Variants in CSMD1 observed in about 807,000 individuals in gnomAD.
CSMD1 encodes CUB and sushi domain-containing protein 1.
CSMD1 carries 213 observed loss-of-function variants against 417.5 expected under a neutral mutation model. That is an observed-to-expected ratio of 0.51 (90% confidence interval 0.46 to 0.57). The LOEUF (loss-of-function observed/expected upper bound fraction) is 0.57, where lower values mean the gene tolerates loss of function less well. CSMD1 is among the 20% of genes least tolerant of loss of function. The pLI, the probability that CSMD1 is intolerant of heterozygous loss-of-function variation, is 0.00. For missense variants in CSMD1, 6,923 were observed against 4,529.7 expected, an observed-to-expected ratio of 1.53 and a Z score of -15.17; for synonymous variants, 2,862 against 1,736.8, an observed-to-expected ratio of 1.65 and a Z score of -16.11.
intron 1 of CSMD1, among the ~76,000 whole-genome samples, chr8:4,899,146 T>C (rs1482108791): frequency 1.3e-5 from 2 of 152,230 alleles, no homozygotes; most frequent in East Asian, 1.9e-4. Flanking sequence ...ATAGGCAAAT[T>C]GAGCTAAAAC....
At chr8:4,923,623 T>C (rs1391385841) in intron 1 of CSMD1, among the ~76,000 whole-genome samples, 1 of 152,116 alleles carries the variant, frequency 6.6e-6, no homozygotes, top group Non-Finnish European at 1.5e-5. Context: ...CACACTACAC[T>C]TGTATTCTAC....
chr8:4,990,651 A>G (rs1487320675), intron 1 of CSMD1, among the ~76,000 whole-genome samples: 1 of 152,162 alleles, frequency 6.6e-6, no homozygotes, highest in African/African-American at 2.4e-5. Context: ...GAGCCACAGC[A>G]TCCGGCCCAC....
At chr8:3,468,665 T>C in intron 12 of CSMD1, 47 bp downstream of exon 12, 3 of 1,238,196 alleles carry the variant, frequency 2.4e-6, no homozygotes, top group Non-Finnish European at 3.5e-6. Flanking sequence ...CTCTGCCCTC[T>C]CTTGGAATGC....
At chr8:4,363,538 C>T (rs1166815572) in intron 3 of CSMD1, among the ~76,000 whole-genome samples, 2 of 152,182 alleles carry the variant, frequency 1.3e-5, no homozygotes, top group South Asian at 2.1e-4. Context: ...AGAGCAATAA[C>T]TCCCTCCCTA....
chr8:3,107,456 A>G (rs1202237934), intron 45 of CSMD1, among the ~76,000 whole-genome samples: 1 of 152,206 alleles, frequency 6.6e-6, no homozygotes, highest in East Asian at 1.9e-4. Flanking sequence ...TTGTAGAGGA[A>G]AAAAATGTTC....
At chr8:4,718,062 C>G (rs114852782) in intron 1 of CSMD1, among the ~76,000 whole-genome samples, 1 of 152,190 alleles carries the variant, frequency 6.6e-6, no homozygotes, top group Non-Finnish European at 1.5e-5. Context: ...CCTGCAGCCT[C>G]TACCTCCCTG....
chr8:4,756,823 G>A (rs1676953), intron 1 of CSMD1, among the ~76,000 whole-genome samples: 1 of 151,758 alleles, frequency 6.6e-6, no homozygotes, highest in Admixed American at 6.6e-5. Context: ...TAGAAGAGCT[G>A]GGCCCAGGTA....
rs143345968 is a variant in CSMD1, at chr8:4,300,049, G to T, written c.415+119904C>A. Among the ~76,000 whole-genome samples, 800 of 152,334 alleles carry T rather than the reference G, an allele frequency of 5.3e-3. 10 individuals carry two copies. Among genetic ancestry groups the T allele is most frequent in the African/African-American group, 0.018 (751 of 41,574 alleles). ...AAGAGGCCACAAAGAGTGAGAGGAA[G>T]AACTTCTCATACATGTCAGAACATC... On this transcript the variant is annotated intron_variant, in intron 3 of 69. Transcript: ENST00000635120.
At chr8:4,787,840 G>A (rs895017374) in intron 1 of CSMD1, 2 of 1,570,532 alleles carry the variant, frequency 1.3e-6, no homozygotes, top group African/African-American at 2.7e-5. Context: ...TGAAATGCTG[G>A]AGAAATCCTG....
intron 41 of CSMD1, among the ~76,000 whole-genome samples, chr8:3,130,933 A>G (rs1817761054): frequency 6.6e-6 from 1 of 152,142 alleles, no homozygotes; most frequent in South Asian, 2.1e-4. Flanking sequence ...CCATATCTAC[A>G]TTGTACCAGA....
intron 25 of CSMD1, among the ~76,000 whole-genome samples, chr8:3,290,936 A>G (rs886077932): frequency 1.3e-5 from 2 of 152,148 alleles, no homozygotes; most frequent in African/African-American, 2.4e-5. Context: ...AGTTTTTCCC[A>G]TTCAGTATGA....
In CSMD1 at chr8:3,181,679, A is replaced by C. The variant is rs577366712; in HGVS notation, c.5621-465T>G. Among the ~76,000 whole-genome samples the C allele has an allele frequency of 1.0e-3, 157 of 152,244 alleles. 1 individual carries two copies. The highest frequency in any genetic ancestry group is 3.5e-3 in the African/African-American group (147 of 41,554). On this transcript the variant is annotated intron_variant, in intron 36 of 69. Coordinates refer to ENST00000635120, the MANE Select transcript of CSMD1 (RefSeq NM_033225.6). Reference sequence around the variant, plus strand: ...TGTATATATGCTCTTCCTGATCCCTATGTGACTCATGCTTAGTAATGTTCC... The same window carrying C: ...TGTATATATGCTCTTCCTGATCCCTCTGTGACTCATGCTTAGTAATGTTCC...
intron 12 of CSMD1, among the ~76,000 whole-genome samples, chr8:3,452,912 C>G (rs1257711257): frequency 6.6e-6 from 1 of 152,142 alleles, no homozygotes; most frequent in East Asian, 1.9e-4. Flanking sequence ...CTCCTTGTAT[C>G]TCTGGTAGAA....
At chr8:3,209,021 G>A (rs1797454995) in intron 30 of CSMD1, among the ~76,000 whole-genome samples, 1 of 152,102 alleles carries the variant, frequency 6.6e-6, no homozygotes, top group African/African-American at 2.4e-5. Flanking sequence ...ATGTTTCAAA[G>A]TATAACTACA....
chr8:3,802,452 T>C (rs960656065), intron 5 of CSMD1, among the ~76,000 whole-genome samples: 2 of 152,188 alleles, frequency 1.3e-5, no homozygotes, highest in Non-Finnish European at 2.9e-5. Context: ...TTATTAAATT[T>C]GTCAGCCTGA....
rs192491299 is a variant in CSMD1, at chr8:4,774,629, C to T, written c.86-137071G>A. Among the ~76,000 whole-genome samples the T allele has an allele frequency of 1.6e-3, 246 of 152,222 alleles. 1 individual carries two copies. The Middle Eastern group carries it at 0.017, about 11-fold the overall frequency. ...CTGATGTGGTTTGGATCCATTTCCC[C>T]ACCCTAACTTCATGTTCAATTGTAA... On this transcript the variant is annotated intron_variant, in intron 1 of 69. Coordinates refer to ENST00000635120, the MANE Select transcript of CSMD1 (RefSeq NM_033225.6).
intron 4 of CSMD1, among the ~76,000 whole-genome samples, chr8:4,014,302 T>C (rs1266785545): frequency 6.6e-6 from 1 of 152,304 alleles, no homozygotes; most frequent in African/African-American, 2.4e-5. Context: ...CGTGTCGAAG[T>C]GAACATGGGA....
At chr8:4,780,098 C>T (rs1027137991) in intron 1 of CSMD1, among the ~76,000 whole-genome samples, 3 of 152,280 alleles carry the variant, frequency 2.0e-5, no homozygotes, top group Middle Eastern at 3.4e-3. Context: ...GATACACCCG[C>T]GTTTTGTATT....
At chr8:3,614,807 T>C (rs924437778) in intron 8 of CSMD1, among the ~76,000 whole-genome samples, 2 of 152,112 alleles carry the variant, frequency 1.3e-5, no homozygotes, top group African/African-American at 4.8e-5. Flanking sequence ...GATAAGACAC[T>C]CTCCATTCTG....
Sources: gnomAD v4.1 joint callset for allele counts (sites outside exome capture counted in the v4.1 genomes callset) on GRCh38, gnomAD v4.1.1 for gene constraint, MANE v1.5 for transcripts, NCBI Gene and HGNC (gene_info 2026-07-23, HGNC 2026-07-21) for gene names.